FRMD3: variants seen among roughly 807,000 people sequenced by gnomAD.
FRMD3 encodes FERM domain-containing protein 3.
A neutral mutation model predicts 70.2 loss-of-function variants in FRMD3; 33 were observed. The observed-to-expected ratio is 0.47, with a 90% CI of 0.36 to 0.63. FRMD3 has a LOEUF of 0.63. FRMD3 is among the 20% of genes least tolerant of loss of function. The pLI is 0.00. For synonymous variants in FRMD3, 279 were observed against 255.9 expected (o/e 1.09, Z -0.86); for missense variants, 632 against 711.4 (o/e 0.89, Z 1.27).
At chr9:83,365,135 T>C (rs1226185022) in intron 3 of FRMD3, among the ~76,000 whole-genome samples, 1 of 152,186 alleles carries the variant, frequency 6.6e-6, no homozygotes, top group Non-Finnish European at 1.5e-5. Flanking sequence ...CTGGATAGCA[T>C]CGAGCATGTT....
intron 13 of FRMD3, among the ~76,000 whole-genome samples, chr9:83,255,455 C>T (rs1832659791): frequency 6.6e-6 from 1 of 151,906 alleles, no homozygotes; most frequent in South Asian, 2.1e-4. Context: ...GAAGCATTCC[C>T]CCTGAAAACC....
chr9:83,506,866 TC>T (rs1223366145), intron 1 of FRMD3, among the ~76,000 whole-genome samples: 1 of 152,230 alleles, frequency 6.6e-6, no homozygotes, highest in East Asian at 1.9e-4. Context: ...ATATCCTTAT[TC>T]TATAAGCTTT....
chr9:83,500,810 A>G (rs1477175680), intron 1 of FRMD3, among the ~76,000 whole-genome samples: 2 of 152,164 alleles, frequency 1.3e-5, no homozygotes, highest in East Asian at 3.9e-4. Context: ...CGAGGAAAAG[A>G]GTGGAGAATA....
intron 13 of FRMD3, chr9:83,279,150 C>T (rs370209653): frequency 6.6e-6 from 1 of 152,196 alleles, no homozygotes; most frequent in South Asian, 2.1e-4. Flanking sequence ...TTCTCTTTCA[C>T]CCAAAGCATC....
chr9:83,266,227 A>G (rs1309596020), intron 13 of FRMD3, among the ~76,000 whole-genome samples: 3 of 152,196 alleles, frequency 2.0e-5, no homozygotes, highest in Non-Finnish European at 4.4e-5. Context: ...TTGTTCTTTT[A>G]AAAACTCTTT....
intron 1 of FRMD3, among the ~76,000 whole-genome samples, chr9:83,412,465 T>C (rs979886628): frequency 2.6e-5 from 4 of 152,268 alleles, no homozygotes; most frequent in Non-Finnish European, 4.4e-5. Flanking sequence ...TAATTTTCTA[T>C]AGTGGCTGTA....
At chr9:83,330,497 CAT>C (rs1236016039) in intron 6 of FRMD3, among the ~76,000 whole-genome samples, 1 of 152,178 alleles carries the variant, frequency 6.6e-6, no homozygotes, top group Non-Finnish European at 1.5e-5. Context: ...ATTTTTCACA[CAT>C]AGTTTTACAA....
chr9:83,459,715 C>T (rs79419941), intron 1 of FRMD3, among the ~76,000 whole-genome samples: 8,271 of 152,344 alleles, frequency 0.054, 368 homozygotes, highest in East Asian at 0.16. Context: ...CCATGGCCCA[C>T]AGCAGTGACC....
intron 2 of FRMD3, among the ~76,000 whole-genome samples, chr9:83,376,797 TAAA>T: frequency 6.6e-6 from 1 of 152,128 alleles, no homozygotes; most frequent in African/African-American, 2.4e-5. Flanking sequence ...GTATATTTGA[TAAA>T]ATATATACAT....
At chr9:83,365,881 G>A (rs1401601613) in intron 3 of FRMD3, among the ~76,000 whole-genome samples, 1 of 152,168 alleles carries the variant, frequency 6.6e-6, no homozygotes, top group Non-Finnish European at 1.5e-5. Context: ...GTGCCAATGA[G>A]AAAGAGACTT....
chr9:83,309,674 A>T, intron 9 of FRMD3, 50 bp from the exon 10 acceptor site: 1 of 1,212,032 alleles, frequency 8.3e-7, no homozygotes, highest in Non-Finnish European at 1.2e-6. Flanking sequence ...TACCATTTAC[A>T]TTTTCCATGG....
At chr9:83,464,971 T>C (rs754280492) in intron 1 of FRMD3, among the ~76,000 whole-genome samples, 5 of 148,556 alleles carry the variant, frequency 3.4e-5, no homozygotes, top group Non-Finnish European at 3.0e-5. Context: ...AGTGAGCCAA[T>C]ATTGCACCAC....
the FRMD3 span, among the ~76,000 whole-genome samples, chr9:83,563,018 A>C: frequency 2.6e-5 from 4 of 152,210 alleles, no homozygotes; most frequent in Admixed American, 1.3e-4. Context: ...AGGCCGAATG[A>C]ATGAATGCAA....
At chr9:83,559,784 A>G in the FRMD3 span, among the ~76,000 whole-genome samples, 1 of 152,210 alleles carries the variant, frequency 6.6e-6, no homozygotes. Context: ...ATATTTCTAT[A>G]TATAAATTAT....
chr9:83,299,156 T>A lies in FRMD3; in HGVS notation c.957A>T (p.Val319=). 6.2e-7 allele frequency: 1 copy of A among 1,613,370 alleles called. No individual in the cohort carries two copies. Among genetic ancestry groups the A allele is most frequent in the South Asian group, 1.1e-5 (1 of 90,916 alleles). ...KYAKSSQIKT[V]SSSKIFFKGS... ...CTTTAAAAAATATCTTGCTGCTTGA[T>A]ACAGTCTTGATCTGACTGGATTTTG... is the stretch of plus-strand genomic sequence containing the variant. Residue 319 remains valine (V), a synonymous_variant, in exon 11 of 14, where the codon GTA becomes GTT. Transcript: ENST00000304195.
chr9:83,250,236 T>C (rs1832337942), intron 13 of FRMD3, among the ~76,000 whole-genome samples: 1 of 150,228 alleles, frequency 6.7e-6, no homozygotes, highest in African/African-American at 2.5e-5. Context: ...CAGTGTTGAG[T>C]GATTGTGTGA....
chr9:83,273,513 T>C (rs947781413), intron 13 of FRMD3, among the ~76,000 whole-genome samples: 1 of 150,958 alleles, frequency 6.6e-6, no homozygotes, highest in Non-Finnish European at 1.5e-5. Context: ...CAGGGTCCTC[T>C]GCCTAGGAAA....
chr9:83,264,809 G>GT lies in FRMD3; in HGVS notation c.1196-16294_1196-16293insA, dbSNP rs1177923721. On this transcript the variant is annotated intron_variant, in intron 13 of 13. Coordinates refer to ENST00000304195, the MANE Select transcript of FRMD3 (RefSeq NM_174938.6). ...TGCAAAAAGTTGCTAACCAATTGTGGGGGGAGGGGGGAAGGTATATCCCTA... is the reference window on the plus strand; with the variant it reads ...TGCAAAAAGTTGCTAACCAATTGTGGTGGGGAGGGGGGAAGGTATATCCCTA... Among the ~76,000 whole-genome samples, 2 of 151,316 alleles carry GT rather than the reference G, an allele frequency of 1.3e-5. 1 individual carries two copies. Among genetic ancestry groups the GT allele is most frequent in the East Asian group, 3.9e-4 (2 of 5,104 alleles).
the FRMD3 span, among the ~76,000 whole-genome samples, chr9:83,562,329 G>A: frequency 6.6e-6 from 1 of 152,142 alleles, no homozygotes; most frequent in African/African-American, 2.4e-5. Flanking sequence ...AAGTGAAATC[G>A]CACTAACTGT....
Sources: gnomAD v4.1 joint callset for allele counts (sites outside exome capture counted in the v4.1 genomes callset) on GRCh38, gnomAD v4.1.1 for gene constraint, MANE v1.5 for transcripts, NCBI Gene and HGNC (gene_info 2026-07-23, HGNC 2026-07-21) for gene names.